GRK5: variants seen among roughly 807,000 people sequenced by gnomAD.
The protein encoded by GRK5 is g protein-coupled receptor kinase GRK5.
A neutral mutation model predicts 78.4 loss-of-function variants in GRK5; 40 were observed. That is an observed-to-expected ratio of 0.51 (90% confidence interval 0.40 to 0.66). GRK5 has a LOEUF of 0.66. GRK5 is among the 30% of genes least tolerant of loss of function. GRK5 has a pLI of 0.00. For missense variants in GRK5, 598 were observed against 759.9 expected, an observed-to-expected ratio of 0.79 and a Z score of 2.50; for synonymous variants, 289 against 296.8, an observed-to-expected ratio of 0.97 and a Z score of 0.27.
At chr10:119,236,110 A>AT (rs1237670517) in intron 1 of GRK5, among the ~76,000 whole-genome samples, 1 of 152,076 alleles carries the variant, frequency 6.6e-6, no homozygotes, top group Non-Finnish European at 1.5e-5. Context: ...TGGGCTCCTT[A>AT]TTGTCCTGTA....
intron 13 of GRK5, among the ~76,000 whole-genome samples, chr10:119,449,674 A>T (rs1409850104): frequency 6.6e-6 from 1 of 152,206 alleles, no homozygotes; most frequent in Admixed American, 6.5e-5. Context: ...CTATAATCCC[A>T]GCTACCTGGG....
intron 13 of GRK5, 31 bp downstream of exon 13, chr10:119,448,291 C>T (rs2133915439): frequency 6.4e-7 from 1 of 1,573,306 alleles, no homozygotes; most frequent in South Asian, 1.2e-5. Context: ...CCCAGCAGCT[C>T]CCTTCACAGG....
At chr10:119,224,773 G>T (rs1848708901) in intron 1 of GRK5, among the ~76,000 whole-genome samples, 1 of 152,142 alleles carries the variant, frequency 6.6e-6, no homozygotes, top group Non-Finnish European at 1.5e-5. Context: ...GTGCATTGAG[G>T]CAAGATGTTT....
Position 119,430,661 on chromosome 10 carries a change from C to T in GRK5, c.597+223C>T, listed in dbSNP as rs983039574. On this transcript the variant is annotated intron_variant, in intron 7 of 15. Coordinates refer to ENST00000392870, the MANE Select transcript of GRK5 (RefSeq NM_005308.3). The surrounding 1 kb of genome is among the most constrained non-coding windows in gnomAD (Gnocchi z 4.5). The stretch of plus-strand genomic sequence containing the variant: ...TGTGGAGCTGGGCAGGTGAGACAGA[C>T]GTGCTCTCCTGCCAGCCTCAGGCAG... 6.6e-5 allele frequency among the ~76,000 whole-genome samples: 10 copies of T among 152,004 alleles called. No individual in the cohort carries two copies. The highest frequency in any genetic ancestry group is 1.5e-5 in the Non-Finnish European group (1 of 67,984).
intron 4 of GRK5, among the ~76,000 whole-genome samples, chr10:119,422,719 G>T (rs1852595629): frequency 6.6e-6 from 1 of 152,274 alleles, no homozygotes; most frequent in South Asian, 2.1e-4. Flanking sequence ...CACCAAGCCT[G>T]CTGGGGGCTC....
chr10:119,300,452 T>C (rs1850158130), intron 1 of GRK5, among the ~76,000 whole-genome samples: 1 of 152,142 alleles, frequency 6.6e-6, no homozygotes, highest in African/African-American at 2.4e-5. Context: ...AAGCAGTCTG[T>C]ATATTGGGGG....
At chr10:119,380,790 C>A in intron 2 of GRK5, 25 bp from the exon 3 acceptor site, 1 of 1,467,400 alleles carries the variant, frequency 6.8e-7, no homozygotes, top group Non-Finnish European at 9.5e-7. Context: ...TGGGTCTCAT[C>A]ACATTCTTCT....
chr10:119,314,218 G>A lies in GRK5; in HGVS notation c.53-12298G>A, dbSNP rs533901090. Among the ~76,000 whole-genome samples, 144 of 152,340 alleles carry A rather than the reference G, an allele frequency of 9.5e-4. 3 individuals are homozygous for A. Among genetic ancestry groups the A allele is most frequent in the Admixed American group, 9.1e-3 (140 of 15,308 alleles). ...GAGCATAGCAAGCCCCTGACTGAGC[G>A]GCAGGCGGCCAGCAGGCCCAGAAAG... On this transcript the variant is annotated intron_variant, in intron 1 of 15. Transcript: ENST00000392870.
Position 119,274,705 on chromosome 10 carries a change from A to G in GRK5, c.53-51811A>G, listed in dbSNP as rs527685772. Among the ~76,000 whole-genome samples the G allele has an allele frequency of 3.3e-5, 5 of 152,250 alleles. No individual in the cohort carries two copies. The South Asian group carries it at 1.0e-3, about 32-fold the overall frequency. ...GAGTCCATTCATTTTTGCCTGTTGA[A>G]TGAAGTTAGAGTTTTCGGTTTCTCT... is the stretch of plus-strand genomic sequence containing the variant. On this transcript the variant is annotated intron_variant, in intron 1 of 15. Transcript: ENST00000392870.
intron 4 of GRK5, among the ~76,000 whole-genome samples, chr10:119,401,137 CTGTCTCA>C (rs1852144008): frequency 6.6e-6 from 1 of 152,204 alleles, no homozygotes; most frequent in South Asian, 2.1e-4. Flanking sequence ...GTCAGCTCTC[CTGTCTCA>C]TGTCTCTGGG....
At position 119,404,825 on chromosome 10, in the gene GRK5, G is replaced by A. The variant is rs138571191; in HGVS notation, c.339+8053G>A. 2.0e-3 allele frequency among the ~76,000 whole-genome samples: 305 copies of A among 152,278 alleles called. 1 individual carries two copies. The highest frequency in any genetic ancestry group is 7.0e-3 in the African/African-American group (291 of 41,538). ...AGCCCTTCCATTCCTAGGACTGCACGGGCCTCTTACAGACTTGCTCCTGGA... is the reference window on the plus strand; with the variant it reads ...AGCCCTTCCATTCCTAGGACTGCACAGGCCTCTTACAGACTTGCTCCTGGA... On this transcript the variant is annotated intron_variant, in intron 4 of 15. Transcript: ENST00000392870.
In GRK5 at chr10:119,450,842, G is replaced by A. The variant is rs75523630; in HGVS notation, c.1405-1829G>A. On this transcript the variant is annotated intron_variant, in intron 13 of 15. Coordinates refer to ENST00000392870, the MANE Select transcript of GRK5 (RefSeq NM_005308.3). Reference sequence around the variant, plus strand: ...CCCAGGGCCTCTGTTCCTGGCATCCGAGGCCTCAGGTCAGCAAAGGTTGCA... The same window carrying A: ...CCCAGGGCCTCTGTTCCTGGCATCCAAGGCCTCAGGTCAGCAAAGGTTGCA... 4.5e-4 allele frequency among the ~76,000 whole-genome samples: 69 copies of A among 152,186 alleles called. 1 individual carries two copies. The East Asian group carries it at 0.012, about 26-fold the overall frequency.
chr10:119,369,330 G>A (rs951459216), intron 2 of GRK5, among the ~76,000 whole-genome samples: 1 of 152,186 alleles, frequency 6.6e-6, no homozygotes, highest in African/African-American at 2.4e-5. Context: ...GAAAGGCCCT[G>A]GGTGTTCAAG....
rs1852812210 is a variant in GRK5 at position 119,431,327 on chromosome 10, G to A, written c.598-60G>A. On this transcript the variant is annotated intron_variant, in intron 7 of 15. Coordinates refer to ENST00000392870, the MANE Select transcript of GRK5 (RefSeq NM_005308.3). This position sits in a 1 kb window ranked among gnomAD's most constrained non-coding sequence, Gnocchi z 4.8. ...GGAGGCCTGTGGTCCCCGCCCTGGAGGAGCTCGGGGCAGGCCTCCACGGTG... is the reference window on the plus strand; with the variant it reads ...GGAGGCCTGTGGTCCCCGCCCTGGAAGAGCTCGGGGCAGGCCTCCACGGTG... 1 of 1,558,720 alleles carries A rather than the reference G, an allele frequency of 6.4e-7. No individual in the cohort carries two copies. Among genetic ancestry groups the A allele is most frequent in the Non-Finnish European group, 8.7e-7 (1 of 1,153,252 alleles).
At chr10:119,223,498 A>T (rs1372370301) in intron 1 of GRK5, among the ~76,000 whole-genome samples, 1 of 151,696 alleles carries the variant, frequency 6.6e-6, no homozygotes, top group African/African-American at 2.4e-5. Context: ...GCTCTATAGA[A>T]CCCTGGAGCT....
At chr10:119,384,139 A>T (rs1208624931) in intron 3 of GRK5, among the ~76,000 whole-genome samples, 1 of 152,040 alleles carries the variant, frequency 6.6e-6, no homozygotes, top group Non-Finnish European at 1.5e-5. Flanking sequence ...AGGACAGTTC[A>T]AGCCTCTTGG....
intron 2 of GRK5, among the ~76,000 whole-genome samples, chr10:119,360,458 G>A (rs1004376256): frequency 7.6e-6 from 1 of 132,446 alleles, no homozygotes; most frequent in Non-Finnish European, 1.5e-5. Flanking sequence ...GCCTGTGTGA[G>A]TGGGAGGAGT....
intron 3 of GRK5, among the ~76,000 whole-genome samples, chr10:119,392,027 C>T (rs1589781727): frequency 6.6e-6 from 1 of 152,134 alleles, no homozygotes; most frequent in South Asian, 2.1e-4. Context: ...AACCTAGGGC[C>T]GGCTTCTTTG....
rs1395277486 is a variant in GRK5, at chr10:119,271,442, CTGCATTGACTTCTT to C, written c.53-55071_53-55058del. Among the ~76,000 whole-genome samples, 1 of 152,222 alleles carries C rather than the reference CTGCATTGACTTCTT, an allele frequency of 6.6e-6. No individual in the cohort carries two copies. The highest frequency in any genetic ancestry group is 1.5e-5 in the Non-Finnish European group (1 of 68,046). ...TGTGTTTCCTACAGATTTTGTTTGC[CTGCATTGACTTCTT>C]TGTTTAGCTCTAGTAAACAGACATT... is the stretch of plus-strand genomic sequence containing the variant. On this transcript the variant is annotated intron_variant, in intron 1 of 15. Transcript: ENST00000392870. This position sits in a 1 kb window ranked among gnomAD's most constrained non-coding sequence, Gnocchi z 4.1.
Sources: gnomAD v4.1 joint callset for allele counts (sites outside exome capture counted in the v4.1 genomes callset) on GRCh38, gnomAD v4.1.1 for gene constraint, Gnocchi (gnomAD v3.1) non-coding constraint, MANE v1.5 for transcripts, NCBI Gene and HGNC (gene_info 2026-07-23, HGNC 2026-07-21) for gene names.